RSAD2: variants seen among roughly 807,000 people sequenced by gnomAD.
RSAD2 encodes the protein S-adenosylmethionine-dependent nucleotide dehydratase RSAD2.
A neutral mutation model predicts 37.7 loss-of-function variants in RSAD2; 38 were observed. That is an observed-to-expected ratio of 1.01 (90% CI 0.78 to 1.32). The LOEUF (loss-of-function observed/expected upper bound fraction) is 1.32, where lower values mean the gene tolerates loss of function less well. Ranked by LOEUF, RSAD2 falls within the 40% of genes most tolerant of loss-of-function variation. The pLI is 0.00. For synonymous variants in RSAD2, 163 were observed against 157.4 expected, an observed-to-expected ratio of 1.04 and a Z score of -0.27; for missense variants, 428 against 437.5, an observed-to-expected ratio of 0.98 and a Z score of 0.19.
intron 1 of RSAD2, 63 bp downstream of exon 1, chr2:6,878,209 G>T (rs886784386): frequency 4.0e-5 from 57 of 1,408,962 alleles, no homozygotes; most frequent in Admixed American, 2.5e-4. Flanking sequence ...GGTAAGGCGA[G>T]AAGGGGCTGG....
chr2:6,892,321 A>G (rs1663650590), intron 4 of RSAD2, among the ~76,000 whole-genome samples: 1 of 152,244 alleles, frequency 6.6e-6, no homozygotes, highest in African/African-American at 2.4e-5. Flanking sequence ...GAAGGACAGG[A>G]TGACCATCAA....
upstream of RSAD2, among the ~76,000 whole-genome samples, chr2:6,875,326 C>T (rs946014186): frequency 2.0e-5 from 3 of 152,136 alleles, no homozygotes; most frequent in Non-Finnish European, 4.4e-5. Context: ...TATAGAGCCT[C>T]TTGGGACATT....
upstream of RSAD2, among the ~76,000 whole-genome samples, chr2:6,875,325 T>G (rs143947118): frequency 1.9e-3 from 285 of 152,232 alleles, 1 homozygote; most frequent in African/African-American, 6.2e-3. Flanking sequence ...CTATAGAGCC[T>G]CTTGGGACAT....
In RSAD2 at chr2:6,898,226, C is replaced by T. The variant is rs1663820865; in HGVS notation, c.*2284C>T. On this transcript the variant is annotated 3_prime_UTR_variant, in exon 6 of 6. Coordinates refer to ENST00000382040, the MANE Select transcript of RSAD2 (RefSeq NM_080657.5). ...ATGTAAAGTGAAATAAAACTATAAG[C>T]TATGTTAAATACATTTTCAGCTGTT... is the stretch of plus-strand genomic sequence containing the variant. The T allele has an allele frequency of 6.6e-6, 1 of 152,138 alleles. No homozygotes were observed. The highest frequency in any genetic ancestry group is 2.4e-5 in the African/African-American group (1 of 41,434). The allele number at this position is 152,138 out of a possible 1,614,324, so 9.4% of individuals were successfully genotyped here.
rs917610255 is a variant in RSAD2 at position 6,891,350 on chromosome 2, C to T, written c.888+1025C>T. Among the ~76,000 whole-genome samples, 7 of 152,140 alleles carry T rather than the reference C, an allele frequency of 4.6e-5. No homozygotes were observed. In the South Asian group the frequency reaches 6.2e-4, roughly 14 times the overall value. On this transcript the variant is annotated intron_variant, in intron 4 of 5. Coordinates refer to ENST00000382040, the MANE Select transcript of RSAD2 (RefSeq NM_080657.5). Reference sequence around the variant, plus strand: ...AAATTATTGCAACTTTCCTAGAAAACGAATTGCTAACTTTATAACCTTTAA... The same window carrying T: ...AAATTATTGCAACTTTCCTAGAAAATGAATTGCTAACTTTATAACCTTTAA...
chr2:6,887,196 C>T (rs1236495910), intron 3 of RSAD2, 32 bp downstream of exon 3: 2 of 1,514,102 alleles, frequency 1.3e-6, no homozygotes, highest in Non-Finnish European at 1.8e-6. Flanking sequence ...TGCTGATTTC[C>T]TTCAAGAAAA....
chr2:6,890,340 A>G lies in RSAD2; in HGVS notation c.888+15A>G. The G allele has an allele frequency of 6.2e-7, 1 of 1,612,938 alleles. No individual in the cohort carries two copies. Among genetic ancestry groups the G allele is most frequent in the Non-Finnish European group, 8.5e-7 (1 of 1,179,306 alleles). On this transcript the variant is annotated intron_variant, in intron 4 of 5. Coordinates refer to ENST00000382040, the MANE Select transcript of RSAD2 (RefSeq NM_080657.5). ...CTAACCAGAAGGTTGTATAAAGCAAAAGTTGTTTTCTTTGTCATCATACAT... is the reference window on the plus strand; with the variant it reads ...CTAACCAGAAGGTTGTATAAAGCAAGAGTTGTTTTCTTTGTCATCATACAT...
chr2:6,885,822 C>T (rs994889950), intron 2 of RSAD2, among the ~76,000 whole-genome samples: 1 of 152,174 alleles, frequency 6.6e-6, no homozygotes, highest in African/African-American at 2.4e-5. Flanking sequence ...TGCTCAGTTA[C>T]TTGCCTTTTC....
intron 1 of RSAD2, among the ~76,000 whole-genome samples, chr2:6,878,563 C>G (rs546613151): frequency 2.6e-5 from 4 of 152,124 alleles, no homozygotes; most frequent in African/African-American, 7.2e-5. Context: ...AAGTTGGAAA[C>G]AAAAACAAAA....
chr2:6,881,653 T>C (rs1663404542), intron 1 of RSAD2, among the ~76,000 whole-genome samples: 1 of 152,244 alleles, frequency 6.6e-6, no homozygotes, highest in Non-Finnish European at 1.5e-5. Context: ...CACGGGTTCA[T>C]TCTCCTAGAA....
At chr2:6,866,110 G>A (rs895778214) in intron 1 of RSAD2, 4 of 229,438 alleles carry the variant, frequency 1.7e-5, no homozygotes, top group Non-Finnish European at 3.5e-5. Context: ...CCTCCTCTGC[G>A]GCTTATGCCG....
At chr2:6,892,581 G>A (rs997956768) in intron 4 of RSAD2, among the ~76,000 whole-genome samples, 7 of 152,122 alleles carry the variant, frequency 4.6e-5, no homozygotes, top group African/African-American at 1.7e-4. Flanking sequence ...TGTATCAGGG[G>A]CAAAATCTGA....
chr2:6,890,200 G>A lies in RSAD2; in HGVS notation c.763G>A (p.Gly255Ser). The A allele has an allele frequency of 6.2e-7, 1 of 1,614,128 alleles. No individual in the cohort carries two copies. The highest frequency in any genetic ancestry group is 8.5e-7 in the Non-Finnish European group (1 of 1,179,992). The change falls in exon 4 of 6, where the codon GGT becomes AGT. Residue 255 changes from glycine (G) to serine (S), a missense_variant. Gly to Ser is a moderately conservative substitution (Grantham distance 56). Coordinates refer to ENST00000382040, the MANE Select transcript of RSAD2 (RefSeq NM_080657.5). ...GGTGTTCCAGTGCCTCTTAATTGAG[G>A]GTGAGAATTGTGGAGAAGATGCTCT... ...WKVFQCLLIE[G>S]ENCGEDALRE...
At position 6,870,231 on chromosome 2, in the gene RSAD2, A is replaced by G. The variant is rs982089278; in HGVS notation, c.142+4186A>G. ...TCGGAGAACTTTTGTTCACATTTAT[A>G]GTGTCAGAAGCGGAATAAGAAAAGA... On this transcript the variant is annotated intron_variant, in intron 1 of 5. Transcript: ENST00000442639. Among the ~76,000 whole-genome samples, 7 of 152,342 alleles carry G rather than the reference A, an allele frequency of 4.6e-5. No individual in the cohort carries two copies. The East Asian group carries it at 1.3e-3, about 29-fold the overall frequency.
intron 4 of RSAD2, among the ~76,000 whole-genome samples, chr2:6,891,630 G>C (rs528238304): frequency 6.6e-6 from 1 of 152,246 alleles, no homozygotes; most frequent in African/African-American, 2.4e-5. Context: ...AGCCGGGCGT[G>C]GTTGCGGGCG....
rs779138962 is a variant in RSAD2, at chr2:6,877,832, G to A, written c.32G>A (p.Gly11Glu). MWVLTPAAFA[G>E]KLLSVFRQPL... ...GTGCTTACACCTGCTGCTTTTGCTG[G>A]GAAGCTCTTGAGTGTGTTCAGGCAA... Residue 11 changes from glycine (G) to glutamate (E), a missense_variant, in exon 1 of 6, where the codon GGG becomes GAG. By Grantham distance (98) the Gly-to-Glu change is moderately conservative (BLOSUM62 -2). Coordinates refer to ENST00000382040, the MANE Select transcript of RSAD2 (RefSeq NM_080657.5). 12 of 1,613,992 alleles carry A rather than the reference G, an allele frequency of 7.4e-6. No homozygotes were observed. Among genetic ancestry groups the A allele is most frequent in the Non-Finnish European group, 9.3e-6 (11 of 1,179,962 alleles).
chr2:6,877,749 T>A (rs1663309647), upstream of RSAD2: 4 of 1,414,074 alleles, frequency 2.8e-6, no homozygotes, highest in South Asian at 5.2e-5. Flanking sequence ...CATCCCTATA[T>A]AAAGAGAGTC....
chr2:6,882,939 G>A (rs924678490), intron 1 of RSAD2, among the ~76,000 whole-genome samples: 6 of 152,086 alleles, frequency 3.9e-5, no homozygotes, highest in Admixed American at 3.9e-4. Context: ...GCTTGTAAAG[G>A]GATTCTCCAA....
chr2:6,889,518 C>T (rs1017329881), intron 3 of RSAD2, among the ~76,000 whole-genome samples: 1 of 152,114 alleles, frequency 6.6e-6, no homozygotes, highest in African/African-American at 2.4e-5. Flanking sequence ...TCCATGGAAA[C>T]CCTTTAGATC....
Sources: gnomAD v4.1 joint callset for allele counts (sites outside exome capture counted in the v4.1 genomes callset) on GRCh38, gnomAD v4.1.1 for gene constraint, MANE v1.5 for transcripts, NCBI Gene and HGNC (gene_info 2026-07-23, HGNC 2026-07-21) for gene names.